The following BUB1 variants were observed in gnomAD, a reference collection of about 807,000 sequenced individuals.
BUB1 encodes BUB1 mitotic checkpoint serine/threonine kinase.
Under a neutral mutation model 135.2 loss-of-function variants are expected in BUB1, and 84 were observed. The ratio of observed to expected loss-of-function variants is 0.62; its 90% confidence interval spans 0.52 to 0.74. The LOEUF (loss-of-function observed/expected upper bound fraction) is 0.74, where lower values mean the gene tolerates loss of function less well. BUB1 is among the 30% of genes least tolerant of loss of function. The probability of loss-of-function intolerance (pLI) is 0.00; values close to 1 mark genes in which losing one functional copy is unlikely to be tolerated. For missense variants in BUB1, 1,162 were observed against 1,288.3 expected (o/e 0.90, Z 1.50); for synonymous variants, 403 against 434.4 (o/e 0.93, Z 0.90).
intron 17 of BUB1, 35 bp from the exon 18 acceptor site, chr2:110,650,819 C>A: frequency 6.5e-7 from 1 of 1,546,616 alleles, no homozygotes; most frequent in Non-Finnish European, 8.9e-7. Flanking sequence ...AACCAAAACA[C>A]CACATGATTA....
In BUB1 at chr2:110,672,786, G is replaced by A. The variant is rs1690456887; in HGVS notation, c.297C>T (p.Ser99=). 5 of 1,613,738 alleles carry A rather than the reference G, an allele frequency of 3.1e-6. No individual in the cohort carries two copies. The South Asian group carries it at 3.3e-5, about 11-fold the overall frequency. The change falls in exon 4 of 25, where the codon TCC becomes TCT. Residue 99 remains serine (S), a synonymous_variant. Transcript: ENST00000302759. ...LYNHGIGTLS[S]PLYIAWAGHL... is the part of the protein sequence containing the mutation. ...GCCCCGCCCAGGCAATGTACAGAGGGGATGACAGGGTTCCAATCCCATGGT... is the reference window on the plus strand; with the variant it reads ...GCCCCGCCCAGGCAATGTACAGAGGAGATGACAGGGTTCCAATCCCATGGT...
intron 19 of BUB1, among the ~76,000 whole-genome samples, chr2:110,643,143 A>G (rs1689547940): frequency 6.6e-6 from 1 of 152,210 alleles, no homozygotes; most frequent in Non-Finnish European, 1.5e-5. Context: ...CTGAAAATCA[A>G]CGACGCTTCT....
intron 9 of BUB1, among the ~76,000 whole-genome samples, chr2:110,665,274 T>C (rs1363104125): frequency 6.6e-6 from 1 of 152,134 alleles, no homozygotes; most frequent in African/African-American, 2.4e-5. Flanking sequence ...CTATAGCAGT[T>C]AGCAATAAAG....
intron 3 of BUB1, 46 bp from the exon 4 acceptor site, chr2:110,672,903 A>C (rs1465916115): frequency 2.0e-6 from 3 of 1,496,032 alleles, no homozygotes; most frequent in Non-Finnish European, 2.7e-6. Context: ...TGGAACTGCT[A>C]GTCTATGTCT....
intron 16 of BUB1, among the ~76,000 whole-genome samples, chr2:110,654,250 T>G (rs1261685956): frequency 6.6e-6 from 1 of 152,142 alleles, no homozygotes; most frequent in Non-Finnish European, 1.5e-5. Flanking sequence ...TTTAACATGT[T>G]GTAGTCAATT....
chr2:110,661,951 T>A (rs1361352901), intron 9 of BUB1, 110 bp from the exon 10 acceptor site: 23 of 1,350,414 alleles, frequency 1.7e-5, no homozygotes, highest in African/African-American at 2.9e-5. Context: ...ATGGATTCCT[T>A]TTTCCTTGAA....
chr2:110,647,259 A>G (rs1171207001), intron 19 of BUB1, among the ~76,000 whole-genome samples: 1 of 152,178 alleles, frequency 6.6e-6, no homozygotes, highest in Non-Finnish European at 1.5e-5. Flanking sequence ...AAAACTATAG[A>G]CCAGTACCTC....
chr2:110,668,734 T>C (rs898978488), intron 6 of BUB1, among the ~76,000 whole-genome samples: 8 of 152,188 alleles, frequency 5.3e-5, no homozygotes, highest in African/African-American at 1.9e-4. Flanking sequence ...CAAGCACAGA[T>C]AGAAGGCCAC....
At chr2:110,653,202 T>C (rs1689828268) in intron 17 of BUB1, among the ~76,000 whole-genome samples, 1 of 152,214 alleles carries the variant, frequency 6.6e-6, no homozygotes, top group African/African-American at 2.4e-5. Flanking sequence ...TTCTCTGATG[T>C]TTTCTCATCA....
rs139825883 is a variant in BUB1, at chr2:110,659,737, T to C, written c.1276+241A>G. ...TTTTGGATTAATTTCCTGAGAAATT[T>C]ACTAGAAATGTATTCACAAATTACA... is the stretch of plus-strand genomic sequence containing the variant. On this transcript the variant is annotated intron_variant, in intron 11 of 24. Coordinates refer to ENST00000302759, the MANE Select transcript of BUB1 (RefSeq NM_004336.5). 1.6e-3 allele frequency among the ~76,000 whole-genome samples: 248 copies of C among 152,366 alleles called. 1 individual carries two copies. The highest frequency in any genetic ancestry group is 2.6e-3 in the Admixed American group (40 of 15,308).
At chr2:110,646,167 CAA>C (rs1157342273) in intron 19 of BUB1, among the ~76,000 whole-genome samples, 4 of 54,734 alleles carry the variant, frequency 7.3e-5, no homozygotes, top group Admixed American at 2.0e-4. Context: ...TATCTCTACC[CAA>C]AAAAAAAAAA....
intron 19 of BUB1, among the ~76,000 whole-genome samples, chr2:110,645,830 G>T (rs930234448): frequency 6.6e-6 from 1 of 152,054 alleles, no homozygotes; most frequent in Non-Finnish European, 1.5e-5. Context: ...GGCTCCCAAA[G>T]TGCTGGATTA....
intron 10 of BUB1, chr2:110,661,369 A>G (rs1690077591): frequency 3.4e-6 from 2 of 592,694 alleles, no homozygotes; most frequent in Non-Finnish European, 5.5e-6. Flanking sequence ...ACGAAAGTAT[A>G]AAATAAATAT....
rs779965899 is a variant in BUB1, at chr2:110,637,972, G to A, written c.3250C>T (p.Arg1084Ter). ...CTGTCTATATCCAAATTTTATTTTC[G>A]TGAACGCTTACATTCTAAGAGCAGT... Reference protein sequence around the residue: ...IVLLLECKRSRK With the variant: ...IVLLLECKRS Residue 1084 changes from arginine (R) to a stop codon, truncating the protein, a stop_gained, in exon 25 of 25, where the codon CGA becomes TGA. Coordinates refer to ENST00000302759, the MANE Select transcript of BUB1 (RefSeq NM_004336.5). LOFTEE classifies it high-confidence loss of function. 8.8e-6 allele frequency: 13 copies of A among 1,480,860 alleles called. No homozygotes were observed. The highest frequency in any genetic ancestry group is 9.9e-6 in the Non-Finnish European group (11 of 1,110,520). The allele number at this position is 1,480,860 out of a possible 1,614,324, so 91.7% of individuals were successfully genotyped here. A position where few individuals can be genotyped will look rare whatever the true frequency, so the allele number is the denominator to read the frequency against.
chr2:110,641,498 T>C (rs777512310), intron 21 of BUB1, 34 bp from the exon 22 acceptor site: 11 of 1,578,802 alleles, frequency 7.0e-6, no homozygotes, highest in African/African-American at 4.1e-5. Flanking sequence ...CCTGAGTTAG[T>C]TGCACAAGAT....
chr2:110,653,638 G>A, intron 16 of BUB1, 115 bp from the exon 17 acceptor site: 1 of 807,300 alleles, frequency 1.2e-6, no homozygotes, highest in Non-Finnish European at 2.0e-6. Context: ...CTTGCATTAT[G>A]ATTTCAAAAT....
chr2:110,650,526 C>CAA lies in BUB1; in HGVS notation c.2203+18_2203+19dup. On this transcript the variant is annotated intron_variant, in intron 18 of 24. Transcript: ENST00000302759. ...CTCCTGTCCTGATTCAAGGGCATAA[C>CAA]AAAGAGTGAGTGTTCGTACTTGGAG... 6.2e-7 allele frequency: 1 copy of CAA among 1,607,602 alleles called. No homozygotes were observed. The highest frequency in any genetic ancestry group is 8.5e-7 in the Non-Finnish European group (1 of 1,175,618).
intron 5 of BUB1, 69 bp from the exon 6 acceptor site, chr2:110,669,622 T>C: frequency 1.0e-6 from 1 of 973,846 alleles, no homozygotes; most frequent in Non-Finnish European, 1.6e-6. Context: ...TATCACATAA[T>C]AAATTCCCCT....
chr2:110,677,946 C>A lies in BUB1; in HGVS notation c.26+24G>T, dbSNP rs763752807. 9 of 1,605,138 alleles carry A rather than the reference C, an allele frequency of 5.6e-6. No homozygotes were observed. In the East Asian group the frequency reaches 1.4e-4, roughly 24 times the overall value. ...AGGCGCCCCAGCCCCCTGGGCTTCC[C>A]CACCCCACCAGACGGACACTTACTG... On this transcript the variant is annotated intron_variant, in intron 1 of 24. Transcript: ENST00000302759.
Sources: allele counts gnomAD v4.1 joint callset (sites outside exome capture counted in the v4.1 genomes callset), GRCh38; gene constraint gnomAD v4.1.1; transcripts MANE v1.5; gene names NCBI Gene and HGNC (gene_info 2026-07-23, HGNC 2026-07-21).